The following RB1 variants were observed in gnomAD, a reference collection of about 807,000 sequenced individuals.
RB1 encodes RB transcriptional corepressor 1.
Under a neutral mutation model 135.4 loss-of-function variants are expected in RB1, and 18 were observed. The observed-to-expected ratio is 0.13, with a 90% CI of 0.09 to 0.20. RB1 has a LOEUF of 0.20. Among genes scored for constraint, RB1 ranks in the 10% least tolerant of loss-of-function variants. The pLI is 1.00. For synonymous variants in RB1, 365 were observed against 373.2 expected (o/e 0.98, Z 0.25); for missense variants, 868 against 1,110.0 (o/e 0.78, Z 3.10).
At chr13:48,408,888 T>A (rs1309709119) in intron 17 of RB1, 1 of 152,170 alleles carries the variant, frequency 6.6e-6, no homozygotes, top group Non-Finnish European at 1.5e-5. Flanking sequence ...TAAGTTGAGA[T>A]CTTTAAGCTG....
chr13:48,314,923 G>C (rs1171018459), intron 2 of RB1, among the ~76,000 whole-genome samples: 1 of 152,124 alleles, frequency 6.6e-6, no homozygotes, highest in African/African-American at 2.4e-5. Context: ...CGTATCCTTT[G>C]AACTACATCT....
At chr13:48,371,925 A>C (rs1440419853) in intron 11 of RB1, among the ~76,000 whole-genome samples, 1 of 152,342 alleles carries the variant, frequency 6.6e-6, no homozygotes, top group East Asian at 1.9e-4. Context: ...CAGTGGAATT[A>C]GATTCTCATA....
intron 2 of RB1, among the ~76,000 whole-genome samples, chr13:48,339,485 T>C (rs562268949): frequency 6.6e-6 from 1 of 152,334 alleles, no homozygotes; most frequent in East Asian, 1.9e-4. Context: ...GCACAGGATA[T>C]AATCTCCTGG....
intron 11 of RB1, among the ~76,000 whole-genome samples, chr13:48,372,273 T>C (rs1593451026): frequency 6.6e-6 from 1 of 152,226 alleles, no homozygotes; most frequent in Non-Finnish European, 1.5e-5. Flanking sequence ...GAAAAGTCTT[T>C]TGTTTTTATC....
At chr13:48,336,932 G>A (rs759215639) in intron 2 of RB1, among the ~76,000 whole-genome samples, 55 of 152,048 alleles carry the variant, frequency 3.6e-4, no homozygotes, top group Non-Finnish European at 6.8e-4. Context: ...CCTTCATTTC[G>A]TTATGTACCC....
chr13:48,337,338 A>C (rs1488023667), intron 2 of RB1, among the ~76,000 whole-genome samples: 1 of 152,082 alleles, frequency 6.6e-6, no homozygotes, highest in African/African-American at 2.4e-5. Flanking sequence ...GTCTCTAAGG[A>C]CTTGCTTTAT....
intron 18 of RB1, among the ~76,000 whole-genome samples, chr13:48,455,915 T>C (rs1949357058): frequency 6.6e-6 from 1 of 152,204 alleles, no homozygotes; most frequent in South Asian, 2.1e-4. Context: ...AATCACCTTA[T>C]GGTCTCAATA....
chr13:48,372,909 T>C (rs1420135478), intron 11 of RB1, among the ~76,000 whole-genome samples: 1 of 152,162 alleles, frequency 6.6e-6, no homozygotes, highest in Non-Finnish European at 1.5e-5. Flanking sequence ...TCTTAAGAGA[T>C]TGACCTAATT....
intron 17 of RB1, among the ~76,000 whole-genome samples, chr13:48,413,577 A>G (rs1482386138): frequency 6.6e-6 from 1 of 152,218 alleles, no homozygotes; most frequent in Non-Finnish European, 1.5e-5. Flanking sequence ...TATAACAAGC[A>G]TTTGACTCTT....
intron 2 of RB1, among the ~76,000 whole-genome samples, chr13:48,331,799 T>C (rs1052166866): frequency 2.0e-5 from 3 of 152,228 alleles, no homozygotes; most frequent in African/African-American, 7.2e-5. Flanking sequence ...CACTCCCATG[T>C]TCATTGCAGC....
At chr13:48,451,015 T>G (rs1294006263) in intron 17 of RB1, among the ~76,000 whole-genome samples, 5 of 152,228 alleles carry the variant, frequency 3.3e-5, no homozygotes, top group Admixed American at 3.3e-4. Flanking sequence ...TAGCGATTAT[T>G]GCACATTGAT....
chr13:48,309,930 T>G (rs1362814472), intron 2 of RB1, among the ~76,000 whole-genome samples: 2 of 152,156 alleles, frequency 1.3e-5, no homozygotes, highest in African/African-American at 4.8e-5. Context: ...CCCTGGGAAC[T>G]GGCCCAGTTT....
chr13:48,329,993 A>G (rs1026036962), intron 2 of RB1, among the ~76,000 whole-genome samples: 3 of 152,166 alleles, frequency 2.0e-5, no homozygotes, highest in African/African-American at 7.2e-5. Flanking sequence ...TTCTCACCAT[A>G]ATGGCATAAA....
chr13:48,425,611 A>G (rs78899120), intron 17 of RB1, among the ~76,000 whole-genome samples: 3,765 of 152,196 alleles, frequency 0.025, 153 homozygotes, highest in African/African-American at 0.081. Context: ...CCACCTACTC[A>G]GGAGGCAGAG....
At chr13:48,461,497 C>T (rs1949404889) in intron 20 of RB1, among the ~76,000 whole-genome samples, 1 of 152,054 alleles carries the variant, frequency 6.6e-6, no homozygotes, top group African/African-American at 2.4e-5. Context: ...TTCATTTCTC[C>T]TAGGTACATA....
At chr13:48,408,218 TA>T (rs1420814663) in intron 17 of RB1, among the ~76,000 whole-genome samples, 1 of 152,010 alleles carries the variant, frequency 6.6e-6, no homozygotes, top group Non-Finnish European at 1.5e-5. Flanking sequence ...GGTTCATTGA[TA>T]GCTCCTTAAG....
intron 17 of RB1, among the ~76,000 whole-genome samples, chr13:48,428,712 T>C (rs1423016219): frequency 6.6e-6 from 1 of 152,228 alleles, no homozygotes; most frequent in Non-Finnish European, 1.5e-5. Flanking sequence ...CATCCTTCAT[T>C]TTTAGCTTCA....
chr13:48,352,248 A>G (rs1952554757), intron 6 of RB1, among the ~76,000 whole-genome samples: 1 of 152,116 alleles, frequency 6.6e-6, no homozygotes, highest in Non-Finnish European at 1.5e-5. Context: ...TGTTTTGGTT[A>G]CTGTAGCCCT....
Position 48,464,958 on chromosome 13 carries a change from C to CTTTT in RB1, c.2212-19_2212-16dup, listed in dbSNP as rs553094345. ...AAATTCATTTAACAAGTAAATTTTA[C>CTTTT]TTTTTTTTTTTTTTTTTTTTTTTTA... On this transcript the variant is annotated intron_variant, in intron 21 of 26. Transcript: ENST00000267163. The CTTTT allele has an allele frequency of 6.3e-4, 525 of 831,628 alleles. 7 individuals carry two copies. The highest frequency in any genetic ancestry group is 7.0e-4 in the Non-Finnish European group (435 of 625,356). The allele number at this position is 831,628 out of a possible 1,614,324, so 51.5% of individuals were successfully genotyped here. A position where few individuals can be genotyped will look rare whatever the true frequency, so the allele number is the denominator to read the frequency against.
Sources: gnomAD v4.1 joint callset for allele counts (sites outside exome capture counted in the v4.1 genomes callset) on GRCh38, gnomAD v4.1.1 for gene constraint, MANE v1.5 for transcripts, NCBI Gene and HGNC (gene_info 2026-07-23, HGNC 2026-07-21) for gene names.